ARHGEF7: variants seen among roughly 807,000 people sequenced by gnomAD.
ARHGEF7 encodes PAK-interacting exchange factor beta.
Under a neutral mutation model 109.8 loss-of-function variants are expected in ARHGEF7, and 33 were observed. That is an observed-to-expected ratio of 0.30 (90% CI 0.23 to 0.40). ARHGEF7 has a LOEUF of 0.40. Ranked by LOEUF, ARHGEF7 falls within the 10% of genes least tolerant of loss-of-function variation. The pLI, the probability that ARHGEF7 is intolerant of heterozygous loss-of-function variation, is 1.00. For synonymous variants in ARHGEF7, 458 were observed against 424.6 expected, an observed-to-expected ratio of 1.08 and a Z score of -0.97; for missense variants, 938 against 1,098.5, an observed-to-expected ratio of 0.85 and a Z score of 2.07.
At chr13:111,259,748 A>G (rs752733969) in intron 8 of ARHGEF7, among the ~76,000 whole-genome samples, 12 of 152,230 alleles carry the variant, frequency 7.9e-5, no homozygotes, top group African/African-American at 1.2e-4. Context: ...CATGAAGTCC[A>G]TCCAGGAAAA....
Position 111,239,975 on chromosome 13 carries a change from C to A in ARHGEF7, c.760-3897C>A, listed in dbSNP as rs60360741. ...AAGACTCTACATTGGGCTGGAAGGT[C>A]GAAGGGTGACTGGCTAGATGCCTTC... is the stretch of plus-strand genomic sequence containing the variant. On this transcript the variant is annotated intron_variant, in intron 6 of 21. Coordinates refer to ENST00000646102, the MANE Select transcript of ARHGEF7 (RefSeq NM_001354046.2). The surrounding 1 kb of genome is among the most constrained non-coding windows in gnomAD (Gnocchi z 4.3). Among the ~76,000 whole-genome samples the A allele has an allele frequency of 0.018, 2,778 of 152,188 alleles. 94 individuals are homozygous for A. Among genetic ancestry groups the A allele is most frequent in the African/African-American group, 0.064 (2,647 of 41,520 alleles).
In ARHGEF7 at chr13:111,220,092, C is replaced by T. The variant is rs867657325; in HGVS notation, c.670+2212C>T. Among the ~76,000 whole-genome samples the T allele has an allele frequency of 2.0e-5, 3 of 152,358 alleles. No individual in the cohort carries two copies. In the Middle Eastern group the frequency reaches 0.01, roughly 518 times the overall value. On this transcript the variant is annotated intron_variant, in intron 5 of 21. Transcript: ENST00000646102. ...ACCTAGGGCTAGGGCAGGCCCGGTC[C>T]ATCCTGTGAGCCCATCTCCTAGCCC...
At chr13:111,256,796 T>C (rs1438036167) in intron 8 of ARHGEF7, among the ~76,000 whole-genome samples, 4 of 152,244 alleles carry the variant, frequency 2.6e-5, no homozygotes, top group Admixed American at 6.5e-5. Context: ...TTGTGGGTTT[T>C]CATGGTGTCT....
Position 111,212,463 on chromosome 13 carries a change from G to T in ARHGEF7, c.468+2461G>T, listed in dbSNP as rs563381076. Among the ~76,000 whole-genome samples, 56 of 152,318 alleles carry T rather than the reference G, an allele frequency of 3.7e-4. 1 individual carries two copies. The highest frequency in any genetic ancestry group is 1.3e-3 in the African/African-American group (55 of 41,572). ...GACACCGCTGGAATTCCTGGTGACT[G>T]CTGTGCTTTTAGTCTTCAACTGCTG... On this transcript the variant is annotated intron_variant, in intron 4 of 21. Coordinates refer to ENST00000646102, the MANE Select transcript of ARHGEF7 (RefSeq NM_001354046.2).
At position 111,296,979 on chromosome 13, in the gene ARHGEF7, A is replaced by T. The variant is rs189493166; in HGVS notation, c.2312-3769A>T. On this transcript the variant is annotated intron_variant, in intron 19 of 21. Transcript: ENST00000646102. ...TGGATTTTAAATAAAGCGAGAGAAC[A>T]TTATCGGATCATTCTGCTGTTAAAT... 4.6e-5 allele frequency among the ~76,000 whole-genome samples: 7 copies of T among 152,352 alleles called. No individual in the cohort carries two copies. The East Asian group carries it at 1.2e-3, about 25-fold the overall frequency.
intron 2 of ARHGEF7, among the ~76,000 whole-genome samples, chr13:111,171,342 G>T (rs568151850): frequency 6.6e-6 from 1 of 152,328 alleles, no homozygotes; most frequent in Non-Finnish European, 1.5e-5. Flanking sequence ...AGCTGCGTGT[G>T]CAGGAGTACA....
chr13:111,161,476 C>T (rs779572199), intron 2 of ARHGEF7, among the ~76,000 whole-genome samples: 12 of 152,126 alleles, frequency 7.9e-5, no homozygotes, highest in Non-Finnish European at 1.3e-4. Context: ...TTGTGTCTGT[C>T]GTGAGGATTA....
At chr13:111,293,655 G>GT in intron 19 of ARHGEF7, 2 of 985,396 alleles carry the variant, frequency 2.0e-6, no homozygotes, top group African/African-American at 1.7e-5. Context: ...TTACGGTTGT[G>GT]TTTTAAGTAT....
intron 16 of ARHGEF7, among the ~76,000 whole-genome samples, chr13:111,284,443 A>G (rs1168210726): frequency 6.6e-6 from 1 of 152,096 alleles, no homozygotes; most frequent in Non-Finnish European, 1.5e-5. Context: ...ATTTTCTATC[A>G]TGGGAAGTTA....
intron 16 of ARHGEF7, among the ~76,000 whole-genome samples, chr13:111,284,501 C>G (rs959225656): frequency 1.3e-5 from 2 of 151,960 alleles, no homozygotes; most frequent in Non-Finnish European, 2.9e-5. Flanking sequence ...TGTGCACAGT[C>G]TAAAGAAAAA....
intron 4 of ARHGEF7, among the ~76,000 whole-genome samples, chr13:111,212,729 C>T (rs1044230043): frequency 3.3e-5 from 5 of 152,166 alleles, no homozygotes; most frequent in Admixed American, 6.5e-5. Flanking sequence ...GAAATTATAT[C>T]CAAATGTATT....
chr13:111,189,120 T>G (rs940265315), intron 2 of ARHGEF7, among the ~76,000 whole-genome samples: 2 of 152,214 alleles, frequency 1.3e-5, no homozygotes, highest in Non-Finnish European at 2.9e-5. Flanking sequence ...GATAGGAGGT[T>G]GGCTGGAACA....
At chr13:111,292,800 G>A in intron 19 of ARHGEF7, 1 of 994,732 alleles carries the variant, frequency 1.0e-6, no homozygotes, top group Non-Finnish European at 1.2e-6. Flanking sequence ...GGAGAGATGA[G>A]AAGAATATAT....
chr13:111,132,858 A>G (rs116719604), intron 1 of ARHGEF7, among the ~76,000 whole-genome samples: 1 of 151,270 alleles, frequency 6.6e-6, no homozygotes, highest in African/African-American at 2.4e-5. Context: ...GTGGGTAGAG[A>G]GTGTTATTGG....
At chr13:111,173,443 T>C (rs959238384) in intron 2 of ARHGEF7, among the ~76,000 whole-genome samples, 1 of 152,202 alleles carries the variant, frequency 6.6e-6, no homozygotes, top group East Asian at 1.9e-4. Flanking sequence ...GGCCTCTGTG[T>C]CTGTCTTGGG....
chr13:111,153,318 G>T (rs1310290704), intron 1 of ARHGEF7, among the ~76,000 whole-genome samples: 1 of 152,242 alleles, frequency 6.6e-6, no homozygotes, highest in Non-Finnish European at 1.5e-5. Flanking sequence ...AGAGGCGGCG[G>T]TGTCTGCGCT....
chr13:111,213,285 G>C (rs867259543), intron 4 of ARHGEF7, among the ~76,000 whole-genome samples: 8 of 152,244 alleles, frequency 5.3e-5, no homozygotes, highest in Middle Eastern at 3.4e-3. Flanking sequence ...GCCTGGATGG[G>C]GTCTCTTCTC....
chr13:111,129,788 T>C (rs1253113370), intron 1 of ARHGEF7, among the ~76,000 whole-genome samples: 1 of 152,228 alleles, frequency 6.6e-6, no homozygotes. Context: ...AAGGTAAAAT[T>C]GTACAACTGC....
chr13:111,125,727 C>G (rs1476822080), intron 1 of ARHGEF7, among the ~76,000 whole-genome samples: 45 of 152,220 alleles, frequency 3.0e-4, no homozygotes, highest in Non-Finnish European at 2.9e-4. Flanking sequence ...CACCAATGTC[C>G]TGTCCTTAAA....
Sources: allele counts gnomAD v4.1 joint callset (sites outside exome capture counted in the v4.1 genomes callset), GRCh38; gene constraint gnomAD v4.1.1; non-coding constraint Gnocchi (gnomAD v3.1); transcripts MANE v1.5; gene names NCBI Gene and HGNC (gene_info 2026-07-23, HGNC 2026-07-21).